Variants in IL12RB2 observed in about 807,000 individuals in gnomAD.
The protein encoded by IL12RB2 is interleukin-12 receptor subunit beta-2.
A neutral mutation model predicts 89.4 loss-of-function variants in IL12RB2; 82 were observed. The observed-to-expected ratio is 0.92, with a 90% CI of 0.77 to 1.10. The LOEUF is 1.10. IL12RB2 is among the 50% of genes least tolerant of loss of function. IL12RB2 has a pLI of 0.00. For synonymous variants in IL12RB2, 368 were observed against 370.1 expected (o/e 0.99, Z 0.07); for missense variants, 963 against 1,031.9 (o/e 0.93, Z 0.92).
chr1:67,387,539 A>G lies in IL12RB2; in HGVS notation c.1946+870A>G, dbSNP rs867858623. Among the ~76,000 whole-genome samples, 33 of 151,408 alleles carry G rather than the reference A, an allele frequency of 2.2e-4. No individual in the cohort carries two copies. In the Middle Eastern group the frequency reaches 0.024, roughly 110 times the overall value. On this transcript the variant is annotated intron_variant, in intron 15 of 16. Transcript: ENST00000674203. ...AACATGTTGAAACCCCATCTCTACT[A>G]AAAATACAAAAATTAGCTGGGTGTG...
chr1:67,342,246 T>G (rs185593348), intron 9 of IL12RB2, among the ~76,000 whole-genome samples: 164 of 152,200 alleles, frequency 1.1e-3, no homozygotes, highest in Non-Finnish European at 6.0e-4. Flanking sequence ...TTTTTTCCTT[T>G]GAGCAACTCT....
At chr1:67,327,150 G>A (rs1409343977) in intron 5 of IL12RB2, among the ~76,000 whole-genome samples, 6 of 151,730 alleles carry the variant, frequency 4.0e-5, no homozygotes, top group East Asian at 1.9e-4. Flanking sequence ...TAGCAGAGAC[G>A]GGGTTTCACC....
At chr1:67,323,133 C>A (rs962524368) in intron 4 of IL12RB2, among the ~76,000 whole-genome samples, 1 of 150,838 alleles carries the variant, frequency 6.6e-6, no homozygotes. Flanking sequence ...CTCTCTGTGA[C>A]CTATAAGGAT....
chr1:67,372,174 T>C (rs1570113306), intron 11 of IL12RB2, among the ~76,000 whole-genome samples: 3 of 152,132 alleles, frequency 2.0e-5, no homozygotes, highest in Admixed American at 6.6e-5. Context: ...TTTGTTTATA[T>C]GGAAAGAAAC....
chr1:67,372,402 C>A, intron 11 of IL12RB2, 34 bp from the exon 12 acceptor site: 2 of 1,120,098 alleles, frequency 1.8e-6, no homozygotes, highest in Non-Finnish European at 2.7e-6. Flanking sequence ...CCAGTAATGG[C>A]ACGGCTGTTA....
At chr1:67,353,279 A>C (rs1661042216) in intron 10 of IL12RB2, among the ~76,000 whole-genome samples, 1 of 152,216 alleles carries the variant, frequency 6.6e-6, no homozygotes, top group South Asian at 2.1e-4. Context: ...CATCTTAAAT[A>C]CATATTTACA....
intron 4 of IL12RB2, among the ~76,000 whole-genome samples, chr1:67,325,705 T>C (rs2100637657): frequency 6.6e-6 from 1 of 152,358 alleles, no homozygotes; most frequent in East Asian, 1.9e-4. Context: ...ATGTCTATGG[T>C]GGATGCTAAG....
rs72931084 is a variant in IL12RB2, at chr1:67,346,738, A to G, written c.1039-4132A>G. On this transcript the variant is annotated intron_variant, in intron 9 of 16. Transcript: ENST00000674203. ...TGGACTGGGGTTGCAAAAGGCAGTCATGAGTTTTAAAATCAAGATGCTCAC... is the reference window on the plus strand; with the variant it reads ...TGGACTGGGGTTGCAAAAGGCAGTCGTGAGTTTTAAAATCAAGATGCTCAC... Among the ~76,000 whole-genome samples the G allele has an allele frequency of 4.2e-3, 633 of 152,254 alleles. 2 individuals carry two copies. The highest frequency in any genetic ancestry group is 0.014 in the African/African-American group (577 of 41,548).
Position 67,396,178 on chromosome 1 carries a change from T to C in IL12RB2, c.*89T>C. 1 of 852,308 alleles carries C rather than the reference T, an allele frequency of 1.2e-6. No individual in the cohort carries two copies. Among genetic ancestry groups the C allele is most frequent in the East Asian group, 2.4e-5 (1 of 41,584 alleles). The allele number at this position is 852,308 out of a possible 1,614,324, so 52.8% of individuals were successfully genotyped here. On this transcript the variant is annotated 3_prime_UTR_variant, in exon 17 of 17. Coordinates refer to ENST00000674203, the MANE Select transcript of IL12RB2 (RefSeq NM_001374259.2). ...CCAGCCCCTGCTCCAGCAGCTGTCA[T>C]CTCTGGGTGCCACCATCGGTCTGGC...
intron 9 of IL12RB2, among the ~76,000 whole-genome samples, chr1:67,342,162 G>A (rs1375798364): frequency 2.0e-5 from 3 of 152,122 alleles, no homozygotes; most frequent in Non-Finnish European, 2.9e-5. Context: ...ATACCTCACT[G>A]GGGAAAGGGA....
chr1:67,319,594 G>C lies in IL12RB2; in HGVS notation c.-36-739G>C, dbSNP rs566959644. Among the ~76,000 whole-genome samples the C allele has an allele frequency of 2.0e-5, 3 of 152,260 alleles. No homozygotes were observed. The East Asian group carries it at 5.8e-4, about 29-fold the overall frequency. Reference sequence around the variant, plus strand: ...CTCACTGGTCAAACTACTCTGTATGGTATGATGATGAAGCCTTGTTTAGAA... The same window carrying C: ...CTCACTGGTCAAACTACTCTGTATGCTATGATGATGAAGCCTTGTTTAGAA... On this transcript the variant is annotated intron_variant, in intron 2 of 16. Coordinates refer to ENST00000674203, the MANE Select transcript of IL12RB2 (RefSeq NM_001374259.2).
chr1:67,323,593 T>G (rs995137185), intron 4 of IL12RB2, among the ~76,000 whole-genome samples: 2 of 152,194 alleles, frequency 1.3e-5, no homozygotes, highest in Non-Finnish European at 2.9e-5. Context: ...ACAAGAGTCC[T>G]GACTACAAAC....
chr1:67,395,437 C>T, intron 16 of IL12RB2, 110 bp from the exon 17 acceptor site: 2 of 1,601,050 alleles, frequency 1.2e-6, no homozygotes, highest in African/African-American at 2.7e-5. Flanking sequence ...ATGTTCCAGC[C>T]AGGGCTGAGG....
chr1:67,339,392 C>T (rs1165452330), intron 9 of IL12RB2, among the ~76,000 whole-genome samples: 1 of 151,144 alleles, frequency 6.6e-6, no homozygotes, highest in Non-Finnish European at 1.5e-5. Flanking sequence ...GAGGCTGAGG[C>T]ACGAGAATCA....
At chr1:67,308,696 A>C (rs1467171700) in intron 1 of IL12RB2, among the ~76,000 whole-genome samples, 2 of 152,202 alleles carry the variant, frequency 1.3e-5, no homozygotes, top group African/African-American at 4.8e-5. Context: ...TCTTACAAAT[A>C]GTAACCTAAA....
chr1:67,371,704 CTG>C (rs1425600274), intron 11 of IL12RB2, among the ~76,000 whole-genome samples: 1 of 152,162 alleles, frequency 6.6e-6, no homozygotes, highest in African/African-American at 2.4e-5. Context: ...AGCTTCATGA[CTG>C]ACAGAAAATT....
At chr1:67,360,279 A>G (rs1281279823) in intron 10 of IL12RB2, among the ~76,000 whole-genome samples, 6 of 151,756 alleles carry the variant, frequency 4.0e-5, no homozygotes, top group Admixed American at 3.3e-4. Flanking sequence ...CGTGCCTGTG[A>G]TCCCAGCTGC....
At chr1:67,354,324 A>G (rs1661156286) in intron 10 of IL12RB2, among the ~76,000 whole-genome samples, 1 of 152,194 alleles carries the variant, frequency 6.6e-6, no homozygotes, top group African/African-American at 2.4e-5. Flanking sequence ...CTTGAAAGGA[A>G]GAACCAGAGA....
chr1:67,340,349 C>G (rs1487559089), intron 9 of IL12RB2, among the ~76,000 whole-genome samples: 1 of 152,178 alleles, frequency 6.6e-6, no homozygotes, highest in Non-Finnish European at 1.5e-5. Context: ...TAGAAGAACC[C>G]AGCCTAATTA....
Sources: allele counts gnomAD v4.1 joint callset (sites outside exome capture counted in the v4.1 genomes callset), GRCh38; gene constraint gnomAD v4.1.1; transcripts MANE v1.5; gene names NCBI Gene and HGNC (gene_info 2026-07-23, HGNC 2026-07-21).